The following NR3C2 variants were observed in gnomAD, a reference collection of about 807,000 sequenced individuals.
The protein encoded by NR3C2 is mineralocorticoid receptor.
A neutral mutation model predicts 86.4 loss-of-function variants in NR3C2; 15 were observed. That is an observed-to-expected ratio of 0.17 (90% CI 0.12 to 0.27). NR3C2 has a LOEUF of 0.27. Among genes scored for constraint, NR3C2 ranks in the 10% least tolerant of loss-of-function variants. The pLI, the probability that NR3C2 is intolerant of heterozygous loss-of-function variation, is 1.00. For missense variants in NR3C2, 960 were observed against 1,195.6 expected (o/e 0.80, Z 2.91); for synonymous variants, 458 against 450.5 (o/e 1.02, Z -0.21).
chr4:148,379,620 A>G (rs1746860136), intron 2 of NR3C2, among the ~76,000 whole-genome samples: 2 of 152,230 alleles, frequency 1.3e-5, no homozygotes, highest in South Asian at 4.1e-4. Flanking sequence ...GACAAGAGGT[A>G]ATAGGCCAAT....
rs376180676 is a variant in NR3C2, at chr4:148,130,819, GTTTTT to G, written c.2511-10536_2511-10532del. On this transcript the variant is annotated intron_variant, in intron 6 of 8. Coordinates refer to ENST00000358102, the MANE Select transcript of NR3C2 (RefSeq NM_000901.5). ...TTTTTGTTTTGTTTTGTTTTGTTTT[GTTTTT>G]TTTTTTTTTTTTTTTTTGAGACAGA... Among the ~76,000 whole-genome samples, 940 of 108,818 alleles carry G rather than the reference GTTTTT, an allele frequency of 8.6e-3. 11 individuals are homozygous for G. Among genetic ancestry groups the G allele is most frequent in the African/African-American group, 0.032 (850 of 26,894 alleles). 71.4% of individuals were successfully genotyped at this position (108,818 alleles called of 152,430 possible). A position where few individuals can be genotyped will look rare whatever the true frequency, so the allele number is the denominator to read the frequency against.
intron 3 of NR3C2, among the ~76,000 whole-genome samples, chr4:148,237,591 A>G (rs1370534984): frequency 1.3e-5 from 2 of 152,130 alleles, no homozygotes; most frequent in Non-Finnish European, 2.9e-5. Context: ...TTATGAACTT[A>G]TTAGTCCAAC....
intron 8 of NR3C2, among the ~76,000 whole-genome samples, chr4:148,088,645 A>C (rs1434642039): frequency 1.0e-4 from 15 of 150,680 alleles, no homozygotes; most frequent in African/African-American, 3.5e-4. Context: ...GTTCTCACTC[A>C]TAAGTGGGAG....
intron 6 of NR3C2, among the ~76,000 whole-genome samples, chr4:148,125,121 G>A (rs2149737637): frequency 6.6e-6 from 1 of 152,340 alleles, no homozygotes; most frequent in East Asian, 1.9e-4. Flanking sequence ...ACACTACAGA[G>A]TTTTAGCATT....
At chr4:148,207,062 C>T (rs1046241126) in intron 3 of NR3C2, among the ~76,000 whole-genome samples, 11 of 152,102 alleles carry the variant, frequency 7.2e-5, no homozygotes, top group African/African-American at 2.7e-4. Context: ...GCTGGGACTA[C>T]AGGTGCATGC....
intron 2 of NR3C2, among the ~76,000 whole-genome samples, chr4:148,267,939 G>GTTT (rs71594257): frequency 6.0e-5 from 7 of 116,512 alleles, no homozygotes; most frequent in Admixed American, 9.4e-5. Context: ...GAGTCACAGT[G>GTTT]TTTTTTTTTT....
intron 2 of NR3C2, among the ~76,000 whole-genome samples, chr4:148,363,754 T>C (rs924623377): frequency 1.3e-5 from 2 of 152,032 alleles, no homozygotes; most frequent in African/African-American, 4.8e-5. Flanking sequence ...CCACCCGCCT[T>C]GGCCTCCCAA....
intron 4 of NR3C2, among the ~76,000 whole-genome samples, chr4:148,187,718 T>C (rs961801945): frequency 6.6e-6 from 1 of 152,210 alleles, no homozygotes; most frequent in Non-Finnish European, 1.5e-5. Flanking sequence ...AGCTCTTTAG[T>C]TTAATAAGGT....
chr4:148,217,416 T>C (rs890852817), intron 3 of NR3C2, among the ~76,000 whole-genome samples: 3 of 152,176 alleles, frequency 2.0e-5, no homozygotes, highest in Non-Finnish European at 4.4e-5. Context: ...CCTCAGAGAT[T>C]TTCAGCCTTG....
intron 2 of NR3C2, among the ~76,000 whole-genome samples, chr4:148,323,871 A>G (rs1304971091): frequency 6.6e-6 from 1 of 151,376 alleles, no homozygotes; most frequent in African/African-American, 2.4e-5. Context: ...TGTGGACCGG[A>G]GCTGTTCCCA....
At position 148,079,522 on chromosome 4, in the gene NR3C2, G is replaced by A. The variant is rs1007057318; in HGVS notation, c.*1822C>T. ...AAAATAATTAATATGATTTCACTGA[G>A]TAAACCTGATGATTATCATCATTTT... On this transcript the variant is annotated 3_prime_UTR_variant, in exon 9 of 9. Coordinates refer to ENST00000358102, the MANE Select transcript of NR3C2 (RefSeq NM_000901.5). 6.6e-6 allele frequency: 1 copy of A among 152,614 alleles called. No homozygotes were observed. Among genetic ancestry groups the A allele is most frequent in the Admixed American group, 6.5e-5 (1 of 15,288 alleles). 9.5% of individuals were successfully genotyped at this position (152,614 alleles called of 1,614,324 possible). A position where few individuals can be genotyped will look rare whatever the true frequency, so the allele number is the denominator to read the frequency against.
intron 2 of NR3C2, among the ~76,000 whole-genome samples, chr4:148,421,902 A>G (rs1318235803): frequency 1.3e-5 from 2 of 152,294 alleles, no homozygotes; most frequent in East Asian, 3.9e-4. Context: ...AGTTCATGAA[A>G]TTATACTCTC....
intron 2 of NR3C2, among the ~76,000 whole-genome samples, chr4:148,379,218 T>A (rs1746834542): frequency 6.6e-6 from 1 of 152,080 alleles, no homozygotes; most frequent in African/African-American, 2.4e-5. Flanking sequence ...GATAATTTTT[T>A]AAATAATTCA....
At chr4:148,272,319 T>C (rs1459571133) in intron 2 of NR3C2, among the ~76,000 whole-genome samples, 1 of 152,112 alleles carries the variant, frequency 6.6e-6, no homozygotes, top group Non-Finnish European at 1.5e-5. Context: ...GCAAGAAAAA[T>C]CAAAATGAAA....
intron 8 of NR3C2, among the ~76,000 whole-genome samples, chr4:148,104,354 T>TGG (rs1560923531): frequency 2.0e-5 from 3 of 150,064 alleles, no homozygotes; most frequent in Non-Finnish European, 3.0e-5. Flanking sequence ...TTTTTTTTTT[T>TGG]TTTTTTTTGC....
At chr4:148,317,377 AAAAAAAG>A (rs898184214) in intron 2 of NR3C2, among the ~76,000 whole-genome samples, 16 of 151,952 alleles carry the variant, frequency 1.1e-4, no homozygotes, top group South Asian at 8.3e-4. Context: ...GAAAAAAAGA[AAAAAAAG>A]AAAAAAGAAA....
intron 2 of NR3C2, among the ~76,000 whole-genome samples, chr4:148,339,602 T>C (rs1051382094): frequency 2.6e-5 from 4 of 152,148 alleles, no homozygotes; most frequent in Non-Finnish European, 4.4e-5. Context: ...AATGAACTAA[T>C]TGATATAGAC....
At chr4:148,119,727 A>C (rs1421379760) in intron 7 of NR3C2, among the ~76,000 whole-genome samples, 1 of 151,250 alleles carries the variant, frequency 6.6e-6, no homozygotes, top group East Asian at 1.9e-4. Context: ...TGGAGGTTGC[A>C]GTGAGCCAAG....
chr4:148,089,761 G>A (rs780888881), intron 8 of NR3C2, among the ~76,000 whole-genome samples: 1 of 152,192 alleles, frequency 6.6e-6, no homozygotes, highest in African/African-American at 2.4e-5. Context: ...GCTACACTGG[G>A]TGTGGCACTC....
Sources: gnomAD v4.1 joint callset for allele counts (sites outside exome capture counted in the v4.1 genomes callset) on GRCh38, gnomAD v4.1.1 for gene constraint, MANE v1.5 for transcripts, NCBI Gene and HGNC (gene_info 2026-07-23, HGNC 2026-07-21) for gene names.